The following GABRR3 variants were observed in gnomAD, a reference collection of about 807,000 sequenced individuals.
The protein encoded by GABRR3 is gamma-aminobutyric acid type A receptor subunit rho3, also known as gamma-aminobutyric acid receptor subunit rho-3.
Under a neutral mutation model 43.2 loss-of-function variants are expected in GABRR3, and 29 were observed. The ratio of observed to expected loss-of-function variants is 0.67; its 90% CI spans 0.50 to 0.92. The LOEUF (loss-of-function observed/expected upper bound fraction) is 0.92, where lower values mean the gene tolerates loss of function less well. GABRR3 is among the 40% of genes least tolerant of loss of function. GABRR3 has a pLI of 0.00. For missense variants in GABRR3, 576 were observed against 572.3 expected (o/e 1.01, Z -0.07); for synonymous variants, 206 against 195.9 (o/e 1.05, Z -0.43).
At chr3:98,015,665 A>G (rs963642508) in intron 4 of GABRR3, among the ~76,000 whole-genome samples, 1 of 152,220 alleles carries the variant, frequency 6.6e-6, no homozygotes, top group East Asian at 1.9e-4. Context: ...GTATTGAAAG[A>G]AAAGGAAAGA....
chr3:98,007,662 G>T, intron 7 of GABRR3, 102 bp downstream of exon 7: 1 of 1,260,976 alleles, frequency 7.9e-7, no homozygotes, highest in Non-Finnish European at 1.1e-6. Flanking sequence ...GCTGGCCAAA[G>T]GGGACACTCG....
intron 7 of GABRR3, among the ~76,000 whole-genome samples, chr3:98,005,237 ACACAC>A (rs1706710990): frequency 6.6e-6 from 1 of 151,626 alleles, no homozygotes; most frequent in African/African-American, 2.4e-5. Flanking sequence ...ACACACACAC[ACACAC>A]GATATGCACA....
chr3:98,017,055 A>G (rs1706880577), intron 4 of GABRR3, among the ~76,000 whole-genome samples: 1 of 152,216 alleles, frequency 6.6e-6, no homozygotes, highest in Non-Finnish European at 1.5e-5. Context: ...GATATTTCAT[A>G]GAGTGAATAA....
At chr3:97,991,362 C>G (rs1197867688) in intron 9 of GABRR3, among the ~76,000 whole-genome samples, 1 of 152,174 alleles carries the variant, frequency 6.6e-6, no homozygotes, top group Non-Finnish European at 1.5e-5. Context: ...AGGTCCCACC[C>G]CAAACCTCCT....
At chr3:98,010,689 C>T (rs568878825) in intron 5 of GABRR3, among the ~76,000 whole-genome samples, 1 of 152,290 alleles carries the variant, frequency 6.6e-6, no homozygotes, top group African/African-American at 2.4e-5. Context: ...CTGGACCTCC[C>T]CCCACCAAAA....
At chr3:98,004,168 G>C (rs899879285) in intron 7 of GABRR3, among the ~76,000 whole-genome samples, 6 of 152,138 alleles carry the variant, frequency 3.9e-5, no homozygotes, top group Non-Finnish European at 8.8e-5. Flanking sequence ...CCCTTTGAAA[G>C]TAGGCCTTAA....
intron 8 of GABRR3, 96 bp downstream of exon 8, chr3:98,001,519 A>T: frequency 7.6e-7 from 1 of 1,314,656 alleles, no homozygotes; most frequent in Non-Finnish European, 1.1e-6. Flanking sequence ...CTACTAAACC[A>T]CCACTCTCTT....
At chr3:98,016,964 G>T (rs1706879363) in intron 4 of GABRR3, among the ~76,000 whole-genome samples, 1 of 152,082 alleles carries the variant, frequency 6.6e-6, no homozygotes, top group Non-Finnish European at 1.5e-5. Context: ...AAACAGAAAA[G>T]CAAGGCATGC....
chr3:98,028,916 T>G (rs945268631), intron 2 of GABRR3, among the ~76,000 whole-genome samples: 1 of 152,168 alleles, frequency 6.6e-6, no homozygotes, highest in South Asian at 2.1e-4. Flanking sequence ...ATTTGCTTAA[T>G]AAAGGATCAC....
At chr3:98,032,063 CATAGTATAGTATAGT>C (rs63090761) in intron 2 of GABRR3, among the ~76,000 whole-genome samples, 4,229 of 140,392 alleles carry the variant, frequency 0.03, 70 homozygotes, top group Non-Finnish European at 0.033. Context: ...GTGTCTAGCA[CATAGTATAGTATAGT>C]ATAGTATAGT....
At chr3:97,986,571 G>T (rs1706388482), downstream of GABRR3, 3 of 688,684 alleles carry the variant, frequency 4.4e-6, no homozygotes, top group Non-Finnish European at 4.7e-6. Context: ...ATTAGGGCAG[G>T]AGAGGTGACT....
chr3:98,004,650 C>G (rs1365481406), intron 7 of GABRR3, among the ~76,000 whole-genome samples: 1 of 148,424 alleles, frequency 6.7e-6, no homozygotes, highest in East Asian at 2.0e-4. Context: ...GATTTTTGAA[C>G]AGTGGCAACG....
intron 4 of GABRR3, among the ~76,000 whole-genome samples, chr3:98,013,624 T>G (rs534973423): frequency 6.6e-6 from 1 of 152,350 alleles, no homozygotes; most frequent in African/African-American, 2.4e-5. Context: ...TTCAGTAAAC[T>G]CTGAATGAGT....
chr3:97,992,822 AG>A (rs1257210830), intron 9 of GABRR3, 29 bp downstream of exon 9: 2 of 1,560,392 alleles, frequency 1.3e-6, no homozygotes, highest in African/African-American at 2.7e-5. Flanking sequence ...ACATTCCCCA[AG>A]GGATCTGATA....
chr3:97,988,198 C>A (rs185093645), intron 9 of GABRR3, among the ~76,000 whole-genome samples: 36 of 151,914 alleles, frequency 2.4e-4, no homozygotes, highest in Non-Finnish European at 4.6e-4. Context: ...CTGTCGGGCA[C>A]CCCCTACAGA....
intron 4 of GABRR3, among the ~76,000 whole-genome samples, chr3:98,013,933 A>G (rs1464497147): frequency 6.6e-6 from 1 of 152,246 alleles, no homozygotes; most frequent in African/African-American, 2.4e-5. Flanking sequence ...ATAGCAAGTC[A>G]CCACACGCTG....
rs1007146482 is a variant in GABRR3, at chr3:98,032,630, C to T, written c.125+2233G>A. On this transcript the variant is annotated intron_variant, in intron 2 of 9. Transcript: ENST00000621172. ...CTCTCCCTACTTTGTTTTTAGGAAA[C>T]AAAAGATATGTTTGAATACATATTT... 5.0e-4 allele frequency among the ~76,000 whole-genome samples: 76 copies of T among 152,156 alleles called. 1 individual carries two copies. Among genetic ancestry groups the T allele is most frequent in the African/African-American group, 1.8e-3 (76 of 41,500 alleles).
intron 3 of GABRR3, among the ~76,000 whole-genome samples, chr3:98,019,568 A>G (rs1706912686): frequency 6.6e-6 from 1 of 152,016 alleles, no homozygotes; most frequent in Admixed American, 6.6e-5. Flanking sequence ...ATCAATTACT[A>G]TATACCCTAT....
intron 2 of GABRR3, among the ~76,000 whole-genome samples, chr3:98,033,145 G>T (rs1377556294): frequency 6.6e-6 from 1 of 152,130 alleles, no homozygotes; most frequent in East Asian, 1.9e-4. Context: ...GGCTACTTCT[G>T]GACCAGTGTG....
Sources: gnomAD v4.1 joint callset for allele counts (sites outside exome capture counted in the v4.1 genomes callset) on GRCh38, gnomAD v4.1.1 for gene constraint, MANE v1.5 for transcripts, NCBI Gene and HGNC (gene_info 2026-07-23, HGNC 2026-07-21) for gene names.